Variants in CRPPA observed in about 807,000 individuals in gnomAD.
CRPPA encodes CDP-L-ribitol pyrophosphorylase A, also known as D-ribitol-5-phosphate cytidylyltransferase.
In CRPPA, 43 loss-of-function variants were observed where a neutral mutation model predicts 52.0. The observed-to-expected ratio is 0.83, with a 90% CI of 0.65 to 1.07. The LOEUF (loss-of-function observed/expected upper bound fraction) is 1.07. CRPPA is among the 50% of genes least tolerant of loss of function. The pLI, the probability that CRPPA is intolerant of heterozygous loss-of-function variation, is 0.00. For missense variants in CRPPA, 629 were observed against 551.7 expected (o/e 1.14, Z -1.40); for synonymous variants, 250 against 203.5 (o/e 1.23, Z -1.94).
intron 9 of CRPPA, among the ~76,000 whole-genome samples, chr7:16,200,095 T>G (rs1282644898): frequency 2.0e-5 from 3 of 152,110 alleles, no homozygotes; most frequent in Non-Finnish European, 4.4e-5. Context: ...TAACCTCAGG[T>G]GATCCATCCA....
intron 3 of CRPPA, among the ~76,000 whole-genome samples, chr7:16,326,632 T>C (rs188583210): frequency 6.6e-6 from 1 of 152,388 alleles, no homozygotes; most frequent in African/African-American, 2.4e-5. Context: ...GTGTATATTA[T>C]GTTCTGAAGT....
intron 9 of CRPPA, among the ~76,000 whole-genome samples, chr7:16,186,644 G>C (rs1781509859): frequency 6.6e-6 from 1 of 152,132 alleles, no homozygotes; most frequent in African/African-American, 2.4e-5. Flanking sequence ...AGGCTACTTA[G>C]TCAAATCAAA....
chr7:16,205,794 G>GA (rs5882561), intron 9 of CRPPA, among the ~76,000 whole-genome samples: 33,556 of 139,862 alleles, frequency 0.24, 4,516 homozygotes, highest in South Asian at 0.44. Flanking sequence ...AACTATAAAA[G>GA]AAAAAAAAAA....
chr7:16,253,219 C>T (rs1783509957), intron 8 of CRPPA, among the ~76,000 whole-genome samples: 2 of 152,146 alleles, frequency 1.3e-5, no homozygotes, highest in African/African-American at 4.8e-5. Context: ...TTAGATCTTT[C>T]CTGCTTTCTC....
intron 9 of CRPPA, among the ~76,000 whole-genome samples, chr7:16,186,786 A>G (rs1018395531): frequency 2.0e-5 from 3 of 146,622 alleles, no homozygotes; most frequent in Non-Finnish European, 3.0e-5. Context: ...CCAAATATAC[A>G]CAGAGGATAT....
intron 8 of CRPPA, among the ~76,000 whole-genome samples, chr7:16,225,080 A>G (rs1487997532): frequency 8.5e-5 from 13 of 152,112 alleles, no homozygotes; most frequent in Non-Finnish European, 1.5e-5. Flanking sequence ...AACAAAACAC[A>G]TTGCATTAAA....
chr7:16,259,868 A>G (rs979193501), intron 6 of CRPPA, among the ~76,000 whole-genome samples: 1 of 152,028 alleles, frequency 6.6e-6, no homozygotes, highest in African/African-American at 2.4e-5. Flanking sequence ...TTATCTATTT[A>G]GTAGCTTAAT....
rs150760806 is a variant in CRPPA, at chr7:16,369,805, G to A, written c.684+6287C>T. Among the ~76,000 whole-genome samples, 405 of 152,130 alleles carry A rather than the reference G, an allele frequency of 2.7e-3. 1 individual carries two copies. The highest frequency in any genetic ancestry group is 4.8e-3 in the Non-Finnish European group (324 of 67,990). ...AAGAACCACAATAGGAACTTAACAG[G>A]AAAAATACAAAAGAATCCACAGACC... On this transcript the variant is annotated intron_variant, in intron 3 of 9. Transcript: ENST00000407010.
intron 9 of CRPPA, among the ~76,000 whole-genome samples, chr7:16,106,677 C>T (rs1782159206): frequency 6.6e-6 from 1 of 152,148 alleles, no homozygotes; most frequent in Admixed American, 6.5e-5. Context: ...GAAGAGGGGG[C>T]TGCTGTCTCA....
intron 8 of CRPPA, among the ~76,000 whole-genome samples, chr7:16,241,690 G>T (rs1238809100): frequency 2.6e-5 from 4 of 151,996 alleles, no homozygotes; most frequent in African/African-American, 4.8e-5. Context: ...AGTAGAAAAG[G>T]ATATTTTGGG....
At position 16,137,112 on chromosome 7, in the gene CRPPA, C is replaced by A. The variant is rs575445532; in HGVS notation, c.1252-45313G>T. 6.6e-5 allele frequency among the ~76,000 whole-genome samples: 10 copies of A among 152,304 alleles called. No individual in the cohort carries two copies. The South Asian group carries it at 1.9e-3, about 28-fold the overall frequency. On this transcript the variant is annotated intron_variant, in intron 9 of 9. Transcript: ENST00000407010. ...AAATTCATATGTTGAAATCCTAAGC[C>A]CCCAGAGGCAGGACCTTTGGAAGGT...
chr7:16,190,554 T>C (rs963200347), intron 9 of CRPPA, among the ~76,000 whole-genome samples: 3 of 152,158 alleles, frequency 2.0e-5, no homozygotes, highest in African/African-American at 2.4e-5. Flanking sequence ...ATTCCTCCCG[T>C]TGAATTTTCA....
intron 5 of CRPPA, among the ~76,000 whole-genome samples, chr7:16,280,935 G>C (rs1256194854): frequency 6.6e-6 from 1 of 152,042 alleles, no homozygotes; most frequent in Non-Finnish European, 1.5e-5. Flanking sequence ...CAGGAGAATC[G>C]CTTGAACTCG....
chr7:16,107,777 TA>T (rs755444791), intron 9 of CRPPA, among the ~76,000 whole-genome samples: 1 of 151,990 alleles, frequency 6.6e-6, no homozygotes, highest in South Asian at 2.1e-4. Flanking sequence ...TATGAGAGTT[TA>T]AAAAAACACT....
intron 2 of CRPPA, among the ~76,000 whole-genome samples, chr7:16,392,670 A>T (rs1787475404): frequency 6.6e-6 from 1 of 152,186 alleles, no homozygotes; most frequent in African/African-American, 2.4e-5. Context: ...ATAAGCCATT[A>T]ATAAATTGCT....
intron 9 of CRPPA, among the ~76,000 whole-genome samples, chr7:16,158,895 A>G (rs1344445797): frequency 6.6e-6 from 1 of 152,216 alleles, no homozygotes; most frequent in East Asian, 1.9e-4. Flanking sequence ...CATTGCTAAT[A>G]GAATCCAAGC....
intron 3 of CRPPA, among the ~76,000 whole-genome samples, chr7:16,348,133 T>C (rs1786062068): frequency 6.6e-6 from 1 of 152,166 alleles, no homozygotes; most frequent in African/African-American, 2.4e-5. Context: ...GCTGGCAACC[T>C]GAGCAGCAGA....
intron 8 of CRPPA, among the ~76,000 whole-genome samples, chr7:16,251,610 C>T (rs1326453224): frequency 2.0e-5 from 3 of 152,156 alleles, no homozygotes; most frequent in Non-Finnish European, 2.9e-5. Context: ...AACTGAACAA[C>T]CTACTCCTGA....
In CRPPA at chr7:16,088,206, T is replaced by C. The variant is rs1258060531; in HGVS notation, c.*3489A>G. 6.6e-6 allele frequency: 1 copy of C among 152,180 alleles called. No homozygotes were observed. Among genetic ancestry groups the C allele is most frequent in the African/African-American group, 2.4e-5 (1 of 41,444 alleles). The allele number at this position is 152,180 out of a possible 1,614,324, so 9.4% of individuals were successfully genotyped here. On this transcript the variant is annotated 3_prime_UTR_variant, in exon 10 of 10. Transcript: ENST00000407010. ...CTAAGACGACTAACTTTAATTTGCA[T>C]TTAACTAACTAGCGTAAGTTTAGAA...
Sources: gnomAD v4.1 joint callset for allele counts (sites outside exome capture counted in the v4.1 genomes callset) on GRCh38, gnomAD v4.1.1 for gene constraint, MANE v1.5 for transcripts, NCBI Gene and HGNC (gene_info 2026-07-23, HGNC 2026-07-21) for gene names.